Variants in NEIL3 observed in about 807,000 individuals in gnomAD.
NEIL3 encodes the protein endonuclease 8-like 3.
NEIL3 carries 48 observed loss-of-function variants against 57.5 expected under a neutral mutation model. The observed-to-expected ratio is 0.83, with a 90% confidence interval of 0.66 to 1.06. NEIL3 has a LOEUF of 1.06. NEIL3 is among the 50% of genes least tolerant of loss of function. The pLI is 0.00. For missense variants in NEIL3, 717 were observed against 739.1 expected (o/e 0.97, Z 0.35); for synonymous variants, 261 against 253.2 (o/e 1.03, Z -0.29).
At chr4:177,338,847 G>A (rs944075564) in intron 4 of NEIL3, among the ~76,000 whole-genome samples, 1 of 150,888 alleles carries the variant, frequency 6.6e-6, no homozygotes, top group South Asian at 2.1e-4. Flanking sequence ...GTTTTATATT[G>A]TTCTTGGTAA....
chr4:177,350,091 T>G (rs903684305), intron 6 of NEIL3, among the ~76,000 whole-genome samples: 4 of 152,202 alleles, frequency 2.6e-5, no homozygotes, highest in African/African-American at 9.6e-5. Context: ...TACTTTCAGA[T>G]TTTCTTATTC....
At chr4:177,336,635 T>C (rs1191143605) in intron 4 of NEIL3, among the ~76,000 whole-genome samples, 1 of 152,220 alleles carries the variant, frequency 6.6e-6, no homozygotes, top group Admixed American at 6.5e-5. Context: ...TACTGATTGT[T>C]TAAAAGCTGT....
chr4:177,327,927 A>G (rs558387235), intron 2 of NEIL3, among the ~76,000 whole-genome samples: 1 of 152,192 alleles, frequency 6.6e-6, no homozygotes, highest in African/African-American at 2.4e-5. Flanking sequence ...TCCTTTCTAT[A>G]TGTTTCTGGA....
Position 177,322,596 on chromosome 4 carries a change from AC to A in NEIL3, c.278+17del. ...AAGCTTTACGGTAAGATAAGCCTGT[AC>A]GATACATCTTATCTCTCTATATTTA... On this transcript the variant is annotated intron_variant, in intron 2 of 9. Transcript: ENST00000264596. The A allele has an allele frequency of 2.5e-6, 4 of 1,613,664 alleles. No homozygotes were observed. The highest frequency in any genetic ancestry group is 3.4e-6 in the Non-Finnish European group (4 of 1,179,636).
At chr4:177,312,526 A>G (rs376647974) in intron 1 of NEIL3, among the ~76,000 whole-genome samples, 20 of 152,182 alleles carry the variant, frequency 1.3e-4, no homozygotes, top group African/African-American at 4.3e-4. Context: ...ATTCTCTTCT[A>G]ACAGCTTCTA....
At chr4:177,320,762 G>A (rs1044818204) in intron 1 of NEIL3, among the ~76,000 whole-genome samples, 1 of 151,736 alleles carries the variant, frequency 6.6e-6, no homozygotes, top group Non-Finnish European at 1.5e-5. Context: ...CCACCGCGCC[G>A]GGCCTGCTGT....
chr4:177,310,016 C>A lies in NEIL3; in HGVS notation c.63C>A (p.Gly21=), dbSNP rs199790765. 3.7e-6 allele frequency: 6 copies of A among 1,610,408 alleles called. No homozygotes were observed. Among genetic ancestry groups the A allele is most frequent in the Non-Finnish European group, 5.1e-6 (6 of 1,178,974 alleles). ...GEKIRARVLP[G]QAVTGVRGSA... is the part of the protein sequence containing the mutation. ...AGATTCGCGCGCGGGTGCTCCCGGGCCAGGCGGTGACCGGCGTGCGGGGAA... is the reference window on the plus strand; with the variant it reads ...AGATTCGCGCGCGGGTGCTCCCGGGACAGGCGGTGACCGGCGTGCGGGGAA... Residue 21 remains glycine (G), a synonymous_variant, in exon 1 of 10, where the codon GGC becomes GGA. Coordinates refer to ENST00000264596, the MANE Select transcript of NEIL3 (RefSeq NM_018248.3).
rs140788855 is a variant in NEIL3 at position 177,360,522 on chromosome 4, A to G, written c.1480A>G (p.Thr494Ala). Reference sequence around the variant, plus strand: ...TTACAGTGAACTTCAAATTAATATGACAGATGGCCCTCGTACCTTAAATCC... The same window carrying G: ...TTACAGTGAACTTCAAATTAATATGGCAGATGGCCCTCGTACCTTAAATCC... Reference protein sequence around the residue: ...YSNSELQINMTDGPRTLNPDS... With the variant: ...YSNSELQINMADGPRTLNPDS... The change falls in exon 9 of 10, where the codon ACA becomes GCA. Residue 494 changes from threonine (T) to alanine (A), a missense_variant. Physicochemically the swap from Thr to Ala is moderately conservative, Grantham distance 58 (BLOSUM62 0). Coordinates refer to ENST00000264596, the MANE Select transcript of NEIL3 (RefSeq NM_018248.3). The G allele has an allele frequency of 1.2e-6, 2 of 1,613,546 alleles. No homozygotes were observed. Among genetic ancestry groups the G allele is most frequent in the African/African-American group, 2.7e-5 (2 of 74,872 alleles).
At chr4:177,310,427 G>T (rs1048446366) in intron 1 of NEIL3, among the ~76,000 whole-genome samples, 1 of 152,262 alleles carries the variant, frequency 6.6e-6, no homozygotes, top group Non-Finnish European at 1.5e-5. Context: ...GTCTACAGCT[G>T]CATTTTTTAC....
At chr4:177,332,821 A>C (rs1734907512) in intron 2 of NEIL3, among the ~76,000 whole-genome samples, 1 of 152,168 alleles carries the variant, frequency 6.6e-6, no homozygotes, top group African/African-American at 2.4e-5. Flanking sequence ...CAGGTGAAAC[A>C]ATTTGTGTAT....
At chr4:177,366,730 ATTC>A (rs1735698050), downstream of NEIL3, among the ~76,000 whole-genome samples, 1 of 152,072 alleles carries the variant, frequency 6.6e-6, no homozygotes, top group Admixed American at 6.5e-5. Context: ...TACTCTTCCT[ATTC>A]TTCTGAGACT....
rs147943632 is a variant in NEIL3, at chr4:177,339,828, A to G, written c.673A>G (p.Ile225Val). 50 of 1,613,840 alleles carry G rather than the reference A, an allele frequency of 3.1e-5. No homozygotes were observed. The highest frequency in any genetic ancestry group is 4.2e-5 in the Non-Finnish European group (49 of 1,179,742). Residue 225 changes from isoleucine (I) to valine (V), a missense_variant, in exon 5 of 10, where the codon ATA (isoleucine) becomes GTA (valine). By Grantham distance (29) the Ile-to-Val change is conservative. Transcript: ENST00000264596. ...DEQIHHLMKM[I>V]RDFSILFYRC... ...ACAGATCCATCACCTCATGAAAATG[A>G]TACGTGATTTCAGCATTCTCTTTTA...
chr4:177,322,232 T>A (rs1004757225), intron 1 of NEIL3, among the ~76,000 whole-genome samples: 1 of 152,198 alleles, frequency 6.6e-6, no homozygotes, highest in Non-Finnish European at 1.5e-5. Context: ...ACCAATTACT[T>A]TTTTTCACTT....
intron 1 of NEIL3, among the ~76,000 whole-genome samples, chr4:177,317,835 G>A (rs1258731050): frequency 6.6e-6 from 1 of 151,858 alleles, no homozygotes; most frequent in African/African-American, 2.4e-5. Context: ...GACCTCAGGT[G>A]ATCCGCCTGC....
chr4:177,348,951 T>C (rs1356999576), intron 6 of NEIL3, among the ~76,000 whole-genome samples: 2 of 134,394 alleles, frequency 1.5e-5, no homozygotes, highest in African/African-American at 5.5e-5. Flanking sequence ...CACTTCAAGC[T>C]CCGCCTCCCG....
At chr4:177,339,880 G>T in intron 5 of NEIL3, 23 bp downstream of exon 5, 3 of 1,519,912 alleles carry the variant, frequency 2.0e-6, no homozygotes, top group Admixed American at 1.7e-5. Flanking sequence ...TTTTTCAACT[G>T]TGTAAAATGT....
intron 8 of NEIL3, 75 bp from the exon 9 acceptor site, chr4:177,360,428 C>A: frequency 1.9e-6 from 2 of 1,037,032 alleles, no homozygotes; most frequent in Non-Finnish European, 2.7e-6. Flanking sequence ...GAAATTCTGA[C>A]ATGTGGGGGT....
chr4:177,340,585 G>A (rs976489645), intron 5 of NEIL3, among the ~76,000 whole-genome samples: 1 of 152,088 alleles, frequency 6.6e-6, no homozygotes, highest in Non-Finnish European at 1.5e-5. Flanking sequence ...CTGCAGATCG[G>A]TCTTGAGTAA....
At chr4:177,340,973 AG>A (rs771156602) in intron 5 of NEIL3, among the ~76,000 whole-genome samples, 1 of 152,074 alleles carries the variant, frequency 6.6e-6, no homozygotes, top group African/African-American at 2.4e-5. Context: ...AAGGTTAAAA[AG>A]GAAAAAAAAA....
Sources: gnomAD v4.1 joint callset for allele counts (sites outside exome capture counted in the v4.1 genomes callset) on GRCh38, gnomAD v4.1.1 for gene constraint, MANE v1.5 for transcripts, NCBI Gene and HGNC (gene_info 2026-07-23, HGNC 2026-07-21) for gene names.